TMEM107: variants seen among roughly 807,000 people sequenced by gnomAD.
TMEM107 encodes transmembrane protein 107.
TMEM107 carries 18 observed loss-of-function variants against 16.8 expected under a neutral mutation model. The observed-to-expected ratio is 1.07, with a 90% CI of 0.74 to 1.59. The LOEUF (loss-of-function observed/expected upper bound fraction) is 1.59. Among genes scored for constraint, TMEM107 ranks in the 40% most tolerant of loss-of-function variants. TMEM107 has a pLI of 0.00. For missense variants in TMEM107, 152 were observed against 175.4 expected, an observed-to-expected ratio of 0.87 and a Z score of 0.75; for synonymous variants, 68 against 71.6, an observed-to-expected ratio of 0.95 and a Z score of 0.25.
At position 8,173,334 on chromosome 17, in the gene TMEM107, C is replaced by G. The variant is rs1317323531; in HGVS notation, c.*869G>C. 1.8e-6 allele frequency: 1 copy of G among 557,700 alleles called. No homozygotes were observed. The highest frequency in any genetic ancestry group is 2.6e-5 in the South Asian group (1 of 38,630). The allele number at this position is 557,700 out of a possible 1,614,324, so 34.5% of individuals were successfully genotyped here. A position where few individuals can be genotyped will look rare whatever the true frequency, so the allele number is the denominator to read the frequency against. ...TTAGCAAGACTGCAAAATAGACAAA[C>G]AGCAATAGCAAGACTGCAAAATAGA... is the stretch of plus-strand genomic sequence containing the variant. On this transcript the variant is annotated 3_prime_UTR_variant, in exon 5 of 5. Coordinates refer to ENST00000437139, the MANE Select transcript of TMEM107 (RefSeq NM_183065.4).
chr17:8,173,469 T>TA lies in TMEM107; in HGVS notation c.*733_*734insT, dbSNP rs1983788738. On this transcript the variant is annotated 3_prime_UTR_variant, in exon 5 of 5. Coordinates refer to ENST00000437139, the MANE Select transcript of TMEM107 (RefSeq NM_183065.4). ...GTCAGAAAGAATCAGACAGGAGCAATCAGGGTGTTGCAAGTCCTGATTACG... is the reference window on the plus strand; with the variant it reads ...GTCAGAAAGAATCAGACAGGAGCAATACAGGGTGTTGCAAGTCCTGATTACG... 2 of 764,498 alleles carry TA rather than the reference T, an allele frequency of 2.6e-6. No individual in the cohort carries two copies. Among genetic ancestry groups the TA allele is most frequent in the East Asian group, 2.4e-5 (1 of 41,240 alleles). The allele number at this position is 764,498 out of a possible 1,614,324, so 47.4% of individuals were successfully genotyped here.
chr17:8,173,613 A>G lies in TMEM107; in HGVS notation c.*590T>C, dbSNP rs138747120. ...TACAGACAAACAGCCGACATTCTGCACTCAGTGAAAAAGATTCCGTTACAA... is the reference window on the plus strand; with the variant it reads ...TACAGACAAACAGCCGACATTCTGCGCTCAGTGAAAAAGATTCCGTTACAA... On this transcript the variant is annotated 3_prime_UTR_variant, in exon 5 of 5. Transcript: ENST00000437139. 4.0e-6 allele frequency: 3 copies of G among 755,754 alleles called. No individual in the cohort carries two copies. The highest frequency in any genetic ancestry group is 3.4e-5 in the African/African-American group (2 of 59,092). 46.8% of individuals were successfully genotyped at this position (755,754 alleles called of 1,614,324 possible).
rs373919142 is a variant in TMEM107 at position 8,174,332 on chromosome 17, C to T, written c.354-60G>A. 251 of 1,501,330 alleles carry T rather than the reference C, an allele frequency of 1.7e-4. No individual in the cohort carries two copies. The African/African-American group carries it at 2.1e-3, about 13-fold the overall frequency. The allele number at this position is 1,501,330 out of a possible 1,614,324, so 93.0% of individuals were successfully genotyped here. ...CAGTATAAATACCCAAATCTCCAAA[C>T]CAGAGACCCCACCTCTGAAAGTGTA... is the stretch of plus-strand genomic sequence containing the variant. On this transcript the variant is annotated intron_variant, in intron 4 of 4. Transcript: ENST00000437139.
chr17:8,173,598 C>G lies in TMEM107; in HGVS notation c.*605G>C, dbSNP rs11650713. 0.02 allele frequency: 14,886 copies of G among 761,974 alleles called. 241 individuals carry two copies. Among genetic ancestry groups the G allele is most frequent in the Middle Eastern group, 0.066 (291 of 4,412 alleles). 47.2% of individuals were successfully genotyped at this position (761,974 alleles called of 1,614,324 possible). On this transcript the variant is annotated 3_prime_UTR_variant, in exon 5 of 5. Transcript: ENST00000437139. ...TATCCCACCTGACGATACAGACAAA[C>G]AGCCGACATTCTGCACTCAGTGAAA... is the stretch of plus-strand genomic sequence containing the variant.
In TMEM107 at chr17:8,173,560, A is replaced by C. The variant is rs762339276; in HGVS notation, c.*643T>G. ...GTTCTAATCTGCCCTCCGGAGGAGG[A>C]ACAGGTAAGGATTATCCCACCTGAC... On this transcript the variant is annotated 3_prime_UTR_variant, in exon 5 of 5. Transcript: ENST00000437139. The C allele has an allele frequency of 2.6e-6, 2 of 765,382 alleles. No individual in the cohort carries two copies. Among genetic ancestry groups the C allele is most frequent in the Non-Finnish European group, 4.8e-6 (2 of 418,004 alleles). The allele number at this position is 765,382 out of a possible 1,614,324, so 47.4% of individuals were successfully genotyped here.
rs752066879 is a variant in TMEM107, at chr17:8,173,415, T to G, written c.*788A>C. 1 of 745,674 alleles carries G rather than the reference T, an allele frequency of 1.3e-6. No individual in the cohort carries two copies. Among genetic ancestry groups the G allele is most frequent in the South Asian group, 1.4e-5 (1 of 72,728 alleles). The allele number at this position is 745,674 out of a possible 1,614,324, so 46.2% of individuals were successfully genotyped here. On this transcript the variant is annotated 3_prime_UTR_variant, in exon 5 of 5. Transcript: ENST00000437139. Reference sequence around the variant, plus strand: ...CATAGCTATGTTTGTGGATATCTGCTAATCAGCATAACACAAATGTAAGTG... The same window carrying G: ...CATAGCTATGTTTGTGGATATCTGCGAATCAGCATAACACAAATGTAAGTG...
Position 8,173,268 on chromosome 17 carries a change from A to G in TMEM107, c.*935T>C, listed in dbSNP as rs1048477628. ...TTATTTCACTGCCTAAATTCCAGAA[A>G]GCAACAAAAACCAAATCACAATTTT... On this transcript the variant is annotated 3_prime_UTR_variant, in exon 5 of 5. Transcript: ENST00000437139. 1.1e-5 allele frequency: 6 copies of G among 522,744 alleles called. No homozygotes were observed. The highest frequency in any genetic ancestry group is 5.7e-5 in the African/African-American group (3 of 52,242). The allele number at this position is 522,744 out of a possible 1,614,324, so 32.4% of individuals were successfully genotyped here. A position where few individuals can be genotyped will look rare whatever the true frequency, so the allele number is the denominator to read the frequency against.
rs767570674 is a variant in TMEM107 at position 8,173,413 on chromosome 17, G to T, written c.*790C>A. 3 of 744,242 alleles carry T rather than the reference G, an allele frequency of 4.0e-6. No homozygotes were observed. Among genetic ancestry groups the T allele is most frequent in the Admixed American group, 3.5e-5 (2 of 57,448 alleles). The allele number at this position is 744,242 out of a possible 1,614,324, so 46.1% of individuals were successfully genotyped here. On this transcript the variant is annotated 3_prime_UTR_variant, in exon 5 of 5. Transcript: ENST00000437139. ...TTCATAGCTATGTTTGTGGATATCT[G>T]CTAATCAGCATAACACAAATGTAAG...
At chr17:8,176,073 G>A (rs748623173) in intron 1 of TMEM107, 47 bp from the exon 2 acceptor site, 1 of 1,612,716 alleles carries the variant, frequency 6.2e-7, no homozygotes, top group Non-Finnish European at 8.5e-7. Context: ...GCAGGCTGCA[G>A]GGCAGGCCTG....
Position 8,173,425 on chromosome 17 carries a change from A to T in TMEM107, c.*778T>A, listed in dbSNP as rs763046457. The T allele has an allele frequency of 2.6e-6, 2 of 757,246 alleles. No homozygotes were observed. Among genetic ancestry groups the T allele is most frequent in the Admixed American group, 1.7e-5 (1 of 58,514 alleles). 46.9% of individuals were successfully genotyped at this position (757,246 alleles called of 1,614,324 possible). A position where few individuals can be genotyped will look rare whatever the true frequency, so the allele number is the denominator to read the frequency against. ...TTTGTGGATATCTGCTAATCAGCAT[A>T]ACACAAATGTAAGTGATCGTCAGAA... is the stretch of plus-strand genomic sequence containing the variant. On this transcript the variant is annotated 3_prime_UTR_variant, in exon 5 of 5. Coordinates refer to ENST00000437139, the MANE Select transcript of TMEM107 (RefSeq NM_183065.4).
Position 8,173,494 on chromosome 17 carries a change from G to C in TMEM107, c.*709C>G, listed in dbSNP as rs749380587. 4 of 765,078 alleles carry C rather than the reference G, an allele frequency of 5.2e-6. No individual in the cohort carries two copies. The highest frequency in any genetic ancestry group is 4.7e-4 in the Middle Eastern group (2 of 4,232). The allele number at this position is 765,078 out of a possible 1,614,324, so 47.4% of individuals were successfully genotyped here. A position where few individuals can be genotyped will look rare whatever the true frequency, so the allele number is the denominator to read the frequency against. ...TCAGGGTGTTGCAAGTCCTGATTAC[G>C]CAGAGACGTTAATCACGTTTCATGC... On this transcript the variant is annotated 3_prime_UTR_variant, in exon 5 of 5. Transcript: ENST00000437139.
At chr17:8,174,881 G>C in intron 3 of TMEM107, 1 of 461,528 alleles carries the variant, frequency 2.2e-6, no homozygotes, top group Non-Finnish European at 3.9e-6. Context: ...AGAGGTAAGA[G>C]TAGGCTCTCC....
In TMEM107 at chr17:8,173,527, A is replaced by AT. The variant is rs1324897961; in HGVS notation, c.*675dup. 1.0e-5 allele frequency: 8 copies of AT among 765,310 alleles called. No homozygotes were observed. The East Asian group carries it at 1.9e-4, about 19-fold the overall frequency. The allele number at this position is 765,310 out of a possible 1,614,324, so 47.4% of individuals were successfully genotyped here. The stretch of plus-strand genomic sequence containing the variant: ...GTTAATCACGTTTCATGCATCTCCA[A>AT]TCATCATGTTCTAATCTGCCCTCCG... On this transcript the variant is annotated 3_prime_UTR_variant, in exon 5 of 5. Transcript: ENST00000437139.
chr17:8,176,378 A>G lies in TMEM107; in HGVS notation c.-92T>C. On this transcript the variant is annotated 5_prime_UTR_variant, in exon 1 of 5. Coordinates refer to ENST00000437139, the MANE Select transcript of TMEM107 (RefSeq NM_183065.4). ...CCCCGCAAGCCGACAAATCTAGACG[A>G]ACGCCTCCTTCCCGCCCGCTCAGGC... is the stretch of plus-strand genomic sequence containing the variant. 1 of 1,021,960 alleles carries G rather than the reference A, an allele frequency of 9.8e-7. No individual in the cohort carries two copies. The highest frequency in any genetic ancestry group is 1.4e-6 in the Non-Finnish European group (1 of 695,656). 63.3% of individuals were successfully genotyped at this position (1,021,960 alleles called of 1,614,324 possible).
chr17:8,173,564 G>A lies in TMEM107; in HGVS notation c.*639C>T, dbSNP rs12940891. 4,085 of 765,206 alleles carry A rather than the reference G, an allele frequency of 5.3e-3. 29 individuals carry two copies. The highest frequency in any genetic ancestry group is 5.7e-3 in the Non-Finnish European group (2,399 of 417,928). 47.4% of individuals were successfully genotyped at this position (765,206 alleles called of 1,614,324 possible). A position where few individuals can be genotyped will look rare whatever the true frequency, so the allele number is the denominator to read the frequency against. On this transcript the variant is annotated 3_prime_UTR_variant, in exon 5 of 5. Transcript: ENST00000437139. ...TAATCTGCCCTCCGGAGGAGGAACAGGTAAGGATTATCCCACCTGACGATA... is the reference window on the plus strand; with the variant it reads ...TAATCTGCCCTCCGGAGGAGGAACAAGTAAGGATTATCCCACCTGACGATA...
rs775477766 is a variant in TMEM107 at position 8,173,450 on chromosome 17, A to C, written c.*753T>G. 2.6e-6 allele frequency: 2 copies of C among 762,784 alleles called. No homozygotes were observed. Among genetic ancestry groups the C allele is most frequent in the Non-Finnish European group, 4.8e-6 (2 of 416,982 alleles). The allele number at this position is 762,784 out of a possible 1,614,324, so 47.3% of individuals were successfully genotyped here. On this transcript the variant is annotated 3_prime_UTR_variant, in exon 5 of 5. Transcript: ENST00000437139. ...AACACAAATGTAAGTGATCGTCAGA[A>C]AGAATCAGACAGGAGCAATCAGGGT...
rs571458808 is a variant in TMEM107 at position 8,173,737 on chromosome 17, T to C, written c.*466A>G. Reference sequence around the variant, plus strand: ...TAGCTCGCACATTTTTTTAAATTTTTTTTTCATTCGGCTGCCGAAAAGGAA... The same window carrying C: ...TAGCTCGCACATTTTTTTAAATTTTCTTTTCATTCGGCTGCCGAAAAGGAA... On this transcript the variant is annotated 3_prime_UTR_variant, in exon 5 of 5. Coordinates refer to ENST00000437139, the MANE Select transcript of TMEM107 (RefSeq NM_183065.4). The C allele has an allele frequency of 1.8e-6, 1 of 560,428 alleles. No individual in the cohort carries two copies. The highest frequency in any genetic ancestry group is 2.9e-5 in the East Asian group (1 of 34,428). 34.7% of individuals were successfully genotyped at this position (560,428 alleles called of 1,614,324 possible). A position where few individuals can be genotyped will look rare whatever the true frequency, so the allele number is the denominator to read the frequency against.
rs756257026 is a variant in TMEM107, at chr17:8,176,251, G to T, written c.36C>A (p.Phe12Leu). Residue 12 changes from phenylalanine (F) to leucine (L), a missense_variant, in exon 1 of 5, where the codon TTC becomes TTA. Coordinates refer to ENST00000437139, the MANE Select transcript of TMEM107 (RefSeq NM_183065.4). Reference sequence around the variant, plus strand: ...CCACCAGATGCGCCAGGAGCGTCAGGAAGCGAGAGGGCACAAGCCCTGAGA... The same window carrying T: ...CCACCAGATGCGCCAGGAGCGTCAGTAAGCGAGAGGGCACAAGCCCTGAGA... ...GRVSGLVPSRFLTLLAHLVVV... is the reference protein window; with the variant it reads ...GRVSGLVPSRLLTLLAHLVVV... 3 of 1,614,042 alleles carry T rather than the reference G, an allele frequency of 1.9e-6. No individual in the cohort carries two copies. In the Admixed American group the frequency reaches 5.0e-5, roughly 27 times the overall value.
At position 8,173,815 on chromosome 17, in the gene TMEM107, C is replaced by G. The variant is rs991506796; in HGVS notation, c.*388G>C. ...ATCAGTTACGTGCCGGACGTTCTAA[C>G]TGTACGCACTTTCTATTTACATATC... On this transcript the variant is annotated 3_prime_UTR_variant, in exon 5 of 5. Coordinates refer to ENST00000437139, the MANE Select transcript of TMEM107 (RefSeq NM_183065.4). 2.4e-5 allele frequency: 12 copies of G among 507,144 alleles called. No homozygotes were observed. The highest frequency in any genetic ancestry group is 1.1e-4 in the South Asian group (4 of 37,686). The allele number at this position is 507,144 out of a possible 1,614,324, so 31.4% of individuals were successfully genotyped here. A position where few individuals can be genotyped will look rare whatever the true frequency, so the allele number is the denominator to read the frequency against.
Sources: allele counts gnomAD v4.1 joint callset, GRCh38; gene constraint gnomAD v4.1.1; transcripts MANE v1.5; gene names NCBI Gene and HGNC (gene_info 2026-07-23, HGNC 2026-07-21).